HSPA14: variants seen among roughly 807,000 people sequenced by gnomAD.
HSPA14 encodes heat shock protein family A (Hsp70) member 14.
HSPA14 carries 37 observed loss-of-function variants against 65.5 expected under a neutral mutation model. The ratio of observed to expected loss-of-function variants is 0.56; its 90% confidence interval spans 0.43 to 0.74. The LOEUF is 0.74. Among genes scored for constraint, HSPA14 ranks in the 30% least tolerant of loss-of-function variants. The probability of loss-of-function intolerance (pLI) is 0.00; values close to 1 mark genes in which losing one functional copy is unlikely to be tolerated. For missense variants in HSPA14, 564 were observed against 607.6 expected (o/e 0.93, Z 0.75); for synonymous variants, 203 against 214.2 (o/e 0.95, Z 0.46).
rs747387433 is a variant in HSPA14, at chr10:14,863,510, C to CT, written c.994-3572dup. ...ATCAGGCATCATCTGAACAAGGTGT[C>CT]TATCATAAACTGAGTGTAACAGTCC... On this transcript the variant is annotated intron_variant, in intron 10 of 13. Transcript: ENST00000378372. Among the ~76,000 whole-genome samples, 3 of 152,208 alleles carry CT rather than the reference C, an allele frequency of 2.0e-5. No individual in the cohort carries two copies. The South Asian group carries it at 6.2e-4, about 31-fold the overall frequency.
At chr10:14,853,236 T>C (rs1389093313) in intron 8 of HSPA14, among the ~76,000 whole-genome samples, 1 of 152,228 alleles carries the variant, frequency 6.6e-6, no homozygotes, top group Non-Finnish European at 1.5e-5. Context: ...AATGAAGTCA[T>C]TGATCACTAC....
rs376319483 is a variant in HSPA14, at chr10:14,862,127, C to T, written c.994-4956C>T. Among the ~76,000 whole-genome samples the T allele has an allele frequency of 3.4e-4, 51 of 150,584 alleles. 2 individuals are homozygous for T. In the South Asian group the frequency reaches 9.7e-3, roughly 29 times the overall value. ...CTGTAAGCTCTGCCTGCCGTGTTCA[C>T]GCCATTCTCCTGCCTCAGCCTCCCC... On this transcript the variant is annotated intron_variant, in intron 10 of 13. Transcript: ENST00000378372.
At position 14,846,704 on chromosome 10, in the gene HSPA14, T is replaced by G. The variant is rs1204666209; in HGVS notation, c.222-1905T>G. The G allele has an allele frequency of 4.1e-6, 4 of 975,560 alleles. No individual in the cohort carries two copies. In the South Asian group the frequency reaches 1.9e-4, roughly 46 times the overall value. The allele number at this position is 975,560 out of a possible 1,614,324, so 60.4% of individuals were successfully genotyped here. ...TGAGGATCAAAGGAACAGATGAATG[T>G]ATGAGCACTTTCAGACATGTAAGGC... On this transcript the variant is annotated intron_variant, in intron 3 of 13. Coordinates refer to ENST00000378372, the MANE Select transcript of HSPA14 (RefSeq NM_016299.4).
chr10:14,869,808 C>G (rs1328383686), intron 12 of HSPA14, among the ~76,000 whole-genome samples: 1 of 152,208 alleles, frequency 6.6e-6, no homozygotes, highest in African/African-American at 2.4e-5. Context: ...GCTCTTCTCT[C>G]ACAGTTCTGT....
chr10:14,841,840 C>G, intron 3 of HSPA14, among the ~76,000 whole-genome samples: 1 of 152,220 alleles, frequency 6.6e-6, no homozygotes, highest in East Asian at 1.9e-4. Context: ...TTAGCGTTAG[C>G]TGCCTCATGG....
Position 14,863,369 on chromosome 10 carries a change from C to T in HSPA14, c.994-3714C>T, listed in dbSNP as rs568908516. ...TGGTCTTAAAGGAGTGCCTTAGCTACTTGGCTCCAACTCATCCTCTCATCT... is the reference window on the plus strand; with the variant it reads ...TGGTCTTAAAGGAGTGCCTTAGCTATTTGGCTCCAACTCATCCTCTCATCT... On this transcript the variant is annotated intron_variant, in intron 10 of 13. Transcript: ENST00000378372. Among the ~76,000 whole-genome samples, 57 of 152,276 alleles carry T rather than the reference C, an allele frequency of 3.7e-4. 1 individual carries two copies. The highest frequency in any genetic ancestry group is 1.3e-3 in the African/African-American group (54 of 41,558).
chr10:14,846,116 A>G (rs1834049311), intron 3 of HSPA14: 4 of 982,934 alleles, frequency 4.1e-6, no homozygotes, highest in Non-Finnish European at 4.8e-6. Flanking sequence ...CACCAGACAT[A>G]TAGACTCTTT....
intron 10 of HSPA14, among the ~76,000 whole-genome samples, chr10:14,864,659 A>G (rs916040733): frequency 2.6e-5 from 4 of 152,118 alleles, no homozygotes; most frequent in South Asian, 2.1e-4. Flanking sequence ...TGAACTCGTC[A>G]TTTTTTATGG....
chr10:14,847,029 A>G (rs2131639331), intron 3 of HSPA14: 2 of 985,414 alleles, frequency 2.0e-6, no homozygotes, highest in South Asian at 9.4e-5. Flanking sequence ...CTTTGTGATG[A>G]TGTCTGTGGT....
intron 5 of HSPA14, 132 bp from the exon 6 acceptor site, chr10:14,849,589 G>A (rs927446645): frequency 1.1e-5 from 8 of 738,316 alleles, no homozygotes; most frequent in Middle Eastern, 2.3e-4. Context: ...AAATTGACAC[G>A]GGGGCGGGGT....
At chr10:14,871,415 T>C in intron 13 of HSPA14, 113 bp from the exon 14 acceptor site, 1 of 658,340 alleles carries the variant, frequency 1.5e-6, no homozygotes, top group East Asian at 2.8e-5. Context: ...TACCCTTCTT[T>C]TGAAAATTAA....
intron 3 of HSPA14, chr10:14,847,142 G>C (rs969019232): frequency 2.0e-6 from 1 of 490,270 alleles, no homozygotes; most frequent in South Asian, 8.8e-5. Flanking sequence ...AGAGGAGAGC[G>C]GCCCTCTTTA....
chr10:14,840,837 TTTAA>T (rs1450809560), intron 3 of HSPA14, among the ~76,000 whole-genome samples: 6 of 152,254 alleles, frequency 3.9e-5, no homozygotes, highest in Non-Finnish European at 7.3e-5. Flanking sequence ...TATTATTTTA[TTTAA>T]TTCTCTCAAC....
rs1036170462 is a variant in HSPA14, at chr10:14,842,109, C to T, written c.221+1952C>T. The T allele has an allele frequency of 2.0e-6, 3 of 1,501,052 alleles. No individual in the cohort carries two copies. In the African/African-American group the frequency reaches 4.1e-5, roughly 21 times the overall value. 93.0% of individuals were successfully genotyped at this position (1,501,052 alleles called of 1,614,324 possible). Reference sequence around the variant, plus strand: ...AATTATCCTTACACCCTTCCTGTAACTCTCATTCCCCTGTGGCCTTCCAGC... The same window carrying T: ...AATTATCCTTACACCCTTCCTGTAATTCTCATTCCCCTGTGGCCTTCCAGC... On this transcript the variant is annotated intron_variant, in intron 3 of 13. Coordinates refer to ENST00000378372, the MANE Select transcript of HSPA14 (RefSeq NM_016299.4). This position sits in a 1 kb window ranked among gnomAD's most constrained non-coding sequence, Gnocchi z 5.2.
chr10:14,850,947 T>G (rs527458353), intron 6 of HSPA14: 69 of 233,444 alleles, frequency 3.0e-4, no homozygotes, highest in Admixed American at 6.2e-4. Flanking sequence ...ATGGATATTT[T>G]TGAGAGCTTT....
chr10:14,843,914 C>T (rs1834010026), intron 3 of HSPA14: 2 of 1,535,412 alleles, frequency 1.3e-6, no homozygotes, highest in African/African-American at 2.7e-5. Flanking sequence ...ACAAAAGGCT[C>T]TGCTTCCTAA....
intron 10 of HSPA14, among the ~76,000 whole-genome samples, chr10:14,858,265 C>T (rs1473396103): frequency 2.0e-5 from 3 of 152,142 alleles, no homozygotes; most frequent in Admixed American, 1.3e-4. Flanking sequence ...CTTAACCAAC[C>T]GGTCATGAAG....
chr10:14,869,275 A>C (rs1832834236), intron 12 of HSPA14, among the ~76,000 whole-genome samples: 1 of 150,452 alleles, frequency 6.6e-6, no homozygotes, highest in Admixed American at 6.6e-5. Context: ...AAAGAGATAC[A>C]TATCTTTAGC....
Position 14,852,507 on chromosome 10 carries a change from A to G in HSPA14, c.710A>G (p.Gln237Arg). The G allele has an allele frequency of 6.2e-7, 1 of 1,612,668 alleles. No individual in the cohort carries two copies. The highest frequency in any genetic ancestry group is 8.5e-7 in the Non-Finnish European group (1 of 1,179,286). Residue 237 changes from glutamine (Q) to arginine (R), a missense_variant, in exon 8 of 14, where the codon CAG (glutamine) becomes CGG (arginine). Physicochemically the swap from Gln to Arg is conservative, Grantham distance 43 (BLOSUM62 1). Transcript: ENST00000378372. Reference protein sequence around the residue: ...GGAHFTETLAQYLASEFQRSF... With the variant: ...GGAHFTETLARYLASEFQRSF... ...GCACATTTCACAGAAACCTTAGCAC[A>G]GTATCTAGCTTCTGAGTTCCAAAGG...
Sources: allele counts gnomAD v4.1 joint callset (sites outside exome capture counted in the v4.1 genomes callset), GRCh38; gene constraint gnomAD v4.1.1; non-coding constraint Gnocchi (gnomAD v3.1); transcripts MANE v1.5; gene names NCBI Gene and HGNC (gene_info 2026-07-23, HGNC 2026-07-21).